Variants in XKR9 observed in about 807,000 individuals in gnomAD.
The protein encoded by XKR9 is XK-related protein 9.
A neutral mutation model predicts 32.0 loss-of-function variants in XKR9; 32 were observed. The ratio of observed to expected loss-of-function variants is 1.00; its 90% CI spans 0.76 to 1.34. The LOEUF is 1.34. Among genes scored for constraint, XKR9 ranks in the 40% most tolerant of loss-of-function variants. The pLI is 0.00. For missense variants in XKR9, 546 were observed against 429.7 expected (o/e 1.27, Z -2.39); for synonymous variants, 168 against 143.4 (o/e 1.17, Z -1.22).
At chr8:70,719,768 C>G (rs1018228389) in intron 4 of XKR9, among the ~76,000 whole-genome samples, 1 of 152,080 alleles carries the variant, frequency 6.6e-6, no homozygotes, top group Non-Finnish European at 1.5e-5. Flanking sequence ...ATTGTCTTGG[C>G]TATATGGGCT....
At chr8:70,967,404 T>C in the XKR9 span, among the ~76,000 whole-genome samples, 1 of 152,114 alleles carries the variant, frequency 6.6e-6, no homozygotes, top group African/African-American at 2.4e-5. Flanking sequence ...CCATTCTGTG[T>C]CTTTTAATTG....
At chr8:70,978,289 G>A in the XKR9 span, among the ~76,000 whole-genome samples, 2 of 152,116 alleles carry the variant, frequency 1.3e-5, no homozygotes, top group African/African-American at 4.8e-5. Flanking sequence ...GATGTTAGCT[G>A]GTTATTTTGC....
chr8:70,873,372 C>T, the XKR9 span, among the ~76,000 whole-genome samples: 1 of 152,080 alleles, frequency 6.6e-6, no homozygotes, highest in South Asian at 2.1e-4. Context: ...CTGTGATGGA[C>T]CTGGCAAAAT....
intron 3 of XKR9, among the ~76,000 whole-genome samples, chr8:70,699,874 G>A (rs553036941): frequency 6.6e-6 from 1 of 152,236 alleles, no homozygotes; most frequent in African/African-American, 2.4e-5. Context: ...TGGAGGCTTT[G>A]TTCGTTTCTT....
At chr8:70,726,706 C>T (rs1404858018) in intron 4 of XKR9, among the ~76,000 whole-genome samples, 1 of 152,144 alleles carries the variant, frequency 6.6e-6, no homozygotes, top group Non-Finnish European at 1.5e-5. Context: ...GCAAAGGTAC[C>T]AAAGAGTTTT....
At chr8:70,728,963 G>C (rs1318151379) in intron 4 of XKR9, among the ~76,000 whole-genome samples, 1 of 152,078 alleles carries the variant, frequency 6.6e-6, no homozygotes, top group African/African-American at 2.4e-5. Flanking sequence ...GATAACTCAG[G>C]GCTCCTAGGC....
At chr8:70,934,848 G>A in the XKR9 span, among the ~76,000 whole-genome samples, 1 of 151,670 alleles carries the variant, frequency 6.6e-6, no homozygotes, top group Non-Finnish European at 1.5e-5. Context: ...TTTCATAGAG[G>A]TTTTATCTGC....
intron 4 of XKR9, among the ~76,000 whole-genome samples, chr8:70,722,125 A>ATT (rs879366189): frequency 7.0e-6 from 1 of 142,544 alleles, no homozygotes; most frequent in African/African-American, 2.6e-5. Context: ...GCAACCCCTG[A>ATT]TTTTTTTTTT....
chr8:70,817,348 C>G, the XKR9 span, among the ~76,000 whole-genome samples: 2 of 151,816 alleles, frequency 1.3e-5, no homozygotes, highest in Non-Finnish European at 2.9e-5. Context: ...AGTTGAGAGC[C>G]AAATCAAGAA....
the XKR9 span, among the ~76,000 whole-genome samples, chr8:70,909,703 C>CTTT: frequency 0.01 from 924 of 91,186 alleles, 14 homozygotes; most frequent in Middle Eastern, 0.04. Context: ...TCGATTTATC[C>CTTT]TTTTTTTTTT....
chr8:70,874,047 G>A, the XKR9 span, among the ~76,000 whole-genome samples: 1 of 152,148 alleles, frequency 6.6e-6, no homozygotes, highest in Non-Finnish European at 1.5e-5. Flanking sequence ...ATTGTTGTTA[G>A]CATTTTTTAA....
chr8:70,765,333 C>G (rs1392817599), intron 2 of XKR9, among the ~76,000 whole-genome samples: 1 of 152,150 alleles, frequency 6.6e-6, no homozygotes, highest in Non-Finnish European at 1.5e-5. Flanking sequence ...TTGCATTTCT[C>G]TAATGACCAG....
chr8:70,824,213 G>T, the XKR9 span, among the ~76,000 whole-genome samples: 1 of 152,058 alleles, frequency 6.6e-6, no homozygotes, highest in East Asian at 1.9e-4. Flanking sequence ...TAATCATTTG[G>T]TTAACTTTAT....
the XKR9 span, among the ~76,000 whole-genome samples, chr8:70,903,098 C>CT: frequency 2.8e-4 from 41 of 147,734 alleles, no homozygotes; most frequent in African/African-American, 4.5e-4. Flanking sequence ...GTCTAAAATT[C>CT]TTTTTTTTTT....
the XKR9 span, among the ~76,000 whole-genome samples, chr8:70,902,452 T>G: frequency 6.6e-6 from 1 of 152,208 alleles, no homozygotes; most frequent in African/African-American, 2.4e-5. Context: ...TGGCTCTCTG[T>G]TTGTCTGTTC....
At chr8:70,817,286 G>A in the XKR9 span, among the ~76,000 whole-genome samples, 1 of 152,112 alleles carries the variant, frequency 6.6e-6, no homozygotes, top group Non-Finnish European at 1.5e-5. Flanking sequence ...GTTCCAAGAT[G>A]CAAAATCAGT....
the XKR9 span, among the ~76,000 whole-genome samples, chr8:70,886,445 T>C: frequency 6.6e-6 from 1 of 152,196 alleles, no homozygotes; most frequent in Admixed American, 6.5e-5. Context: ...TCTGGTTCTA[T>C]ATCCTTGAGG....
intron 2 of XKR9, among the ~76,000 whole-genome samples, chr8:70,787,987 G>A (rs768590334): frequency 1.1e-4 from 17 of 151,956 alleles, no homozygotes; most frequent in Non-Finnish European, 1.2e-4. Context: ...ACTTAACTTT[G>A]ACCTTAAGTT....
chr8:70,975,263 A>G, the XKR9 span, among the ~76,000 whole-genome samples: 2 of 152,080 alleles, frequency 1.3e-5, no homozygotes, highest in Non-Finnish European at 2.9e-5. Context: ...CCATTTGTCA[A>G]TTTTGGCTTT....
Sources: allele counts gnomAD v4.1 joint callset (sites outside exome capture counted in the v4.1 genomes callset), GRCh38; gene constraint gnomAD v4.1.1; transcripts MANE v1.5; gene names NCBI Gene and HGNC (gene_info 2026-07-23, HGNC 2026-07-21).